SREBF2: variants seen among roughly 807,000 people sequenced by gnomAD.
SREBF2 encodes the protein sterol regulatory element-binding protein 2.
Under a neutral mutation model 113.1 loss-of-function variants are expected in SREBF2, and 55 were observed. The observed-to-expected ratio is 0.49, with a 90% confidence interval of 0.39 to 0.61. The LOEUF is 0.61. Ranked by LOEUF, SREBF2 falls within the 20% of genes least tolerant of loss-of-function variation. SREBF2 has a pLI of 0.00. For missense variants in SREBF2, 1,349 were observed against 1,487.4 expected (o/e 0.91, Z 1.53); for synonymous variants, 593 against 605.7 (o/e 0.98, Z 0.31).
intron 11 of SREBF2, among the ~76,000 whole-genome samples, chr22:41,889,699 AT>A (rs1288907518): frequency 2.2e-5 from 1 of 45,456 alleles, no homozygotes; most frequent in Non-Finnish European, 3.5e-5. Flanking sequence ...CCATGTCTCT[AT>A]TAAAAAAAAA....
At chr22:41,893,363 A>G in intron 12 of SREBF2, 78 bp downstream of exon 12, 1 of 1,452,906 alleles carries the variant, frequency 6.9e-7, no homozygotes, top group Non-Finnish European at 9.6e-7. Context: ...TGCACCAGAC[A>G]CGCGGAGACA....
At chr22:41,855,923 GT>G (rs1602286314) in intron 1 of SREBF2, among the ~76,000 whole-genome samples, 1 of 150,574 alleles carries the variant, frequency 6.6e-6, no homozygotes, top group East Asian at 2.0e-4. Context: ...GCCTGACCAA[GT>G]TTTTTTATTT....
chr22:41,851,070 T>C (rs892577300), intron 1 of SREBF2, among the ~76,000 whole-genome samples: 1 of 152,136 alleles, frequency 6.6e-6, no homozygotes, highest in African/African-American at 2.4e-5. Context: ...CATAATAATA[T>C]TGGTCTCAGG....
At chr22:41,840,119 C>G (rs1254339817) in intron 1 of SREBF2, among the ~76,000 whole-genome samples, 7 of 151,980 alleles carry the variant, frequency 4.6e-5, no homozygotes, top group Admixed American at 4.6e-4. Context: ...CCTCCACACC[C>G]AGCTAATTTT....
intron 13 of SREBF2, among the ~76,000 whole-genome samples, chr22:41,896,140 CAA>C (rs939627610): frequency 6.6e-5 from 7 of 105,464 alleles, no homozygotes; most frequent in Admixed American, 1.0e-4. Context: ...GACTCTGTCT[CAA>C]AAAAAAAAAA....
At chr22:41,876,537 T>C (rs1211481219) in intron 7 of SREBF2, among the ~76,000 whole-genome samples, 1 of 152,206 alleles carries the variant, frequency 6.6e-6, no homozygotes, top group Non-Finnish European at 1.5e-5. Flanking sequence ...TGACATGCTA[T>C]ATACACATTG....
chr22:41,839,213 A>G (rs895351984), intron 1 of SREBF2, among the ~76,000 whole-genome samples: 2 of 152,092 alleles, frequency 1.3e-5, no homozygotes, highest in Admixed American at 1.3e-4. Flanking sequence ...CAGCAGAAAG[A>G]GCTGGTTAGG....
In SREBF2 at chr22:41,903,281, G is replaced by C; in HGVS notation, c.3093+126G>C. 3 of 1,176,898 alleles carry C rather than the reference G, an allele frequency of 2.5e-6. 1 individual carries two copies. The South Asian group carries it at 4.0e-5, about 16-fold the overall frequency. The allele number at this position is 1,176,898 out of a possible 1,614,324, so 72.9% of individuals were successfully genotyped here. A position where few individuals can be genotyped will look rare whatever the true frequency, so the allele number is the denominator to read the frequency against. On this transcript the variant is annotated intron_variant, in intron 17 of 18. Coordinates refer to ENST00000361204, the MANE Select transcript of SREBF2 (RefSeq NM_004599.4). Reference sequence around the variant, plus strand: ...TCTGAGGTCAGCCTGGTGACCTGTCGAGCACCTGCTTGGCTCGTGCCCAAC... The same window carrying C: ...TCTGAGGTCAGCCTGGTGACCTGTCCAGCACCTGCTTGGCTCGTGCCCAAC...
intron 12 of SREBF2, among the ~76,000 whole-genome samples, chr22:41,894,128 G>T (rs537721103): frequency 2.6e-5 from 4 of 152,188 alleles, no homozygotes; most frequent in Non-Finnish European, 5.9e-5. Flanking sequence ...GGACTTCTCA[G>T]TGGCTTTGTC....
At chr22:41,852,728 A>ATTTTTTTTTTT (rs544824099) in intron 1 of SREBF2, among the ~76,000 whole-genome samples, 7 of 40,398 alleles carry the variant, frequency 1.7e-4, no homozygotes, top group Admixed American at 8.1e-4. Context: ...TCTCAGAATG[A>ATTTTTTTTTTT]TTTTTTTTTT....
At position 41,884,919 on chromosome 22, in the gene SREBF2, G is replaced by A; in HGVS notation, c.2116G>A (p.Glu706Lys). The A allele has an allele frequency of 1.2e-6, 2 of 1,614,180 alleles. No homozygotes were observed. Among genetic ancestry groups the A allele is most frequent in the Non-Finnish European group, 1.7e-6 (2 of 1,180,034 alleles). The change falls in exon 11 of 19, where the codon GAG (glutamate) becomes AAG (lysine). Residue 706 changes from glutamate (E) to lysine (K), a missense_variant. Physicochemically the swap from Glu to Lys is moderately conservative, Grantham distance 56. Around this residue, in one of 2 missense-constraint regions of SREBF2, gnomAD observed 650 missense variants for 644.1 expected, o/e 1.01. Transcript: ENST00000361204. ...CGTGAACCTGGCTGAATGTGCAGAG[G>A]AGAAGATCCCACCGAGCACACTGGT... Reference protein sequence around the residue: ...CAVNLAECAEEKIPPSTLVEI... With the variant: ...CAVNLAECAEKKIPPSTLVEI...
intron 11 of SREBF2, among the ~76,000 whole-genome samples, chr22:41,890,560 C>T (rs1371896849): frequency 6.6e-6 from 1 of 152,120 alleles, no homozygotes. Flanking sequence ...GGGGTTCTTG[C>T]CACAGCCTCT....
chr22:41,875,652 A>G lies in SREBF2; in HGVS notation c.1314A>G (p.Ser438=), dbSNP rs1569395982. Residue 438 remains serine, a synonymous_variant, in exon 7 of 19, where the codon TCA becomes TCG. Coordinates refer to ENST00000361204, the MANE Select transcript of SREBF2 (RefSeq NM_004599.4). Reference sequence around the variant, plus strand: ...TGATGTCCCCCCCAGCCTCTGACTCAGGGTCCCAGGCTGGCTTCTCTCCCT... The same window carrying G: ...TGATGTCCCCCCCAGCCTCTGACTCGGGGTCCCAGGCTGGCTTCTCTCCCT... The part of the protein sequence containing the change: ...VLLMSPPASD[S]GSQAGFSPYS... 1.2e-6 allele frequency: 2 copies of G among 1,614,184 alleles called. No individual in the cohort carries two copies. Among genetic ancestry groups the G allele is most frequent in the East Asian group, 2.2e-5 (1 of 44,886 alleles).
intron 1 of SREBF2, among the ~76,000 whole-genome samples, chr22:41,858,545 C>T (rs2076997316): frequency 6.6e-6 from 1 of 152,024 alleles, no homozygotes; most frequent in Admixed American, 6.6e-5. Context: ...GAGTTCAAGA[C>T]CAGCCTGGGC....
At chr22:41,895,732 G>A (rs2077410009) in intron 13 of SREBF2, among the ~76,000 whole-genome samples, 1 of 152,114 alleles carries the variant, frequency 6.6e-6, no homozygotes. Context: ...CACCACGCCT[G>A]GCAGGTGCAC....
intron 17 of SREBF2, chr22:41,904,570 C>T: frequency 1.7e-6 from 1 of 603,850 alleles, no homozygotes; most frequent in Non-Finnish European, 3.2e-6. Flanking sequence ...ACCCAGGGCA[C>T]TTGTCTACCA....
rs896211524 is a variant in SREBF2, at chr22:41,906,661, G to A, written c.*1001G>A. On this transcript the variant is annotated 3_prime_UTR_variant, in exon 19 of 19. Coordinates refer to ENST00000361204, the MANE Select transcript of SREBF2 (RefSeq NM_004599.4). ...TTTTCATTTATGATGGGTTTATCAG[G>A]AAGTAACCCCATGGTAAGTTGAGGC... is the stretch of plus-strand genomic sequence containing the variant. 6.6e-6 allele frequency: 1 copy of A among 152,252 alleles called. No individual in the cohort carries two copies. The highest frequency in any genetic ancestry group is 1.5e-5 in the Non-Finnish European group (1 of 68,100). The allele number at this position is 152,252 out of a possible 1,614,324, so 9.4% of individuals were successfully genotyped here.
At chr22:41,848,026 C>G (rs1363889148) in intron 1 of SREBF2, among the ~76,000 whole-genome samples, 2 of 151,846 alleles carry the variant, frequency 1.3e-5, no homozygotes, top group Non-Finnish European at 1.5e-5. Context: ...TGGCATTCTC[C>G]TGCCTCAGCT....
rs1241370402 is a variant in SREBF2 at position 41,906,256 on chromosome 22, G to C, written c.*596G>C. The C allele has an allele frequency of 3.6e-6, 1 of 276,448 alleles. No homozygotes were observed. Among genetic ancestry groups the C allele is most frequent in the Non-Finnish European group, 7.1e-6 (1 of 141,508 alleles). The allele number at this position is 276,448 out of a possible 1,614,324, so 17.1% of individuals were successfully genotyped here. ...TTTATTACACAGGACAGCCAGGGGA[G>C]GAGGGGGGCCCAGCCCTGGGAGGCT... On this transcript the variant is annotated 3_prime_UTR_variant, in exon 19 of 19. Transcript: ENST00000361204.
Sources: allele counts gnomAD v4.1 joint callset (sites outside exome capture counted in the v4.1 genomes callset), GRCh38; gene constraint gnomAD v4.1.1; regional missense constraint gnomAD v4.1.1; transcripts MANE v1.5; gene names NCBI Gene and HGNC (gene_info 2026-07-23, HGNC 2026-07-21).